EBLN1: variants seen among roughly 807,000 people sequenced by gnomAD.
The protein encoded by EBLN1 is endogenous Bornavirus like nucleoprotein 1.
Under a neutral mutation model 0.8 loss-of-function variants are expected in EBLN1, and 1 was observed. That is an observed-to-expected ratio of 1.32 (90% CI 0.47 to 6.26). The LOEUF is 6.26. EBLN1 is among the 30% of genes most tolerant of loss of function. EBLN1 has a pLI of 0.15. For missense variants in EBLN1, 396 were observed against 447.9 expected, an observed-to-expected ratio of 0.88 and a Z score of 1.05; for synonymous variants, 158 against 158.5, an observed-to-expected ratio of 1.00 and a Z score of 0.02.
chr10:22,208,729 C>G lies in EBLN1; in HGVS notation c.*154G>C, dbSNP rs76041789. On this transcript the variant is annotated 3_prime_UTR_variant, in exon 3 of 3. Coordinates refer to ENST00000422359, the MANE Select transcript of EBLN1 (RefSeq NM_001394757.1). ...GTGGCCAGAGAATATTGGATGGACT[C>G]TTTTAAAGAATAAAAGATTATAGAG... 3.3e-6 allele frequency: 3 copies of G among 901,378 alleles called. No individual in the cohort carries two copies. In the Admixed American group the frequency reaches 9.8e-5, roughly 30 times the overall value. The allele number at this position is 901,378 out of a possible 1,614,324, so 55.8% of individuals were successfully genotyped here. A position where few individuals can be genotyped will look rare whatever the true frequency, so the allele number is the denominator to read the frequency against.
chr10:22,208,733 T>C lies in EBLN1; in HGVS notation c.*150A>G. 2 of 906,006 alleles carry C rather than the reference T, an allele frequency of 2.2e-6. No homozygotes were observed. Among genetic ancestry groups the C allele is most frequent in the Non-Finnish European group, 3.1e-6 (2 of 643,968 alleles). The allele number at this position is 906,006 out of a possible 1,614,324, so 56.1% of individuals were successfully genotyped here. A position where few individuals can be genotyped will look rare whatever the true frequency, so the allele number is the denominator to read the frequency against. ...CCAGAGAATATTGGATGGACTCTTT[T>C]AAAGAATAAAAGATTATAGAGAAGT... is the stretch of plus-strand genomic sequence containing the variant. On this transcript the variant is annotated 3_prime_UTR_variant, in exon 3 of 3. Coordinates refer to ENST00000422359, the MANE Select transcript of EBLN1 (RefSeq NM_001394757.1).
Position 22,208,986 on chromosome 10 carries a change from G to C in EBLN1, c.998C>G (p.Pro333Arg), listed in dbSNP as rs1564322729. Reference protein sequence around the residue: ...DIIPGSTITFPVLQMASAQKI... With the variant: ...DIIPGSTITFRVLQMASAQKI... The stretch of plus-strand genomic sequence containing the variant: ...CTGAGCAGATGCCATTTGAAGTACA[G>C]GGAATGTAATAGTTGATCCTGGTAT... The change falls in exon 3 of 3, where the codon CCT becomes CGT. Residue 333 changes from proline to arginine, a missense_variant. Pro to Arg is a moderately radical substitution (Grantham distance 103). Transcript: ENST00000422359. 1 of 1,535,704 alleles carries C rather than the reference G, an allele frequency of 6.5e-7. No homozygotes were observed. Among genetic ancestry groups the C allele is most frequent in the South Asian group, 1.2e-5 (1 of 84,056 alleles).
intron 1 of EBLN1, among the ~76,000 whole-genome samples, chr10:22,217,416 T>A (rs1292791600): frequency 6.6e-6 from 1 of 152,220 alleles, no homozygotes; most frequent in Non-Finnish European, 1.5e-5. Context: ...TTCATACTGT[T>A]CTCATATTCA....
In EBLN1 at chr10:22,209,917, A is replaced by G; in HGVS notation, c.67T>C (p.Phe23Leu). 6.8e-7 allele frequency: 1 copy of G among 1,473,900 alleles called. No homozygotes were observed. 91.3% of individuals were successfully genotyped at this position (1,473,900 alleles called of 1,614,324 possible). A position where few individuals can be genotyped will look rare whatever the true frequency, so the allele number is the denominator to read the frequency against. ...PQDSTKDGSS[F>L]HYFQGRFELS... ...TCAAATCTCCCTTGAAAGTAATGGA[A>G]GCTGCTCCCATCCTTTGTACTGTCT... Residue 23 changes from phenylalanine to leucine, a missense_variant, in exon 3 of 3, where the codon TTC (phenylalanine) becomes CTC (leucine). By Grantham distance (22) the Phe-to-Leu change is conservative. Transcript: ENST00000422359.
intron 1 of EBLN1, among the ~76,000 whole-genome samples, chr10:22,214,996 C>T (rs1393202450): frequency 6.6e-6 from 1 of 152,156 alleles, no homozygotes; most frequent in East Asian, 1.9e-4. Context: ...AACATGGTTG[C>T]CTCTTGAAAA....
chr10:22,214,590 G>A (rs866036072), intron 1 of EBLN1, among the ~76,000 whole-genome samples: 12 of 152,218 alleles, frequency 7.9e-5, no homozygotes, highest in Middle Eastern at 3.4e-3. Context: ...AAAGGCAAGC[G>A]ATATATGGGG....
In EBLN1 at chr10:22,209,598, G is replaced by C; in HGVS notation, c.386C>G (p.Thr129Ser). Residue 129 changes from threonine to serine, a missense_variant, in exon 3 of 3, where the codon ACT becomes AGT. Thr to Ser is a moderately conservative substitution (Grantham distance 58, BLOSUM62 1). Coordinates refer to ENST00000422359, the MANE Select transcript of EBLN1 (RefSeq NM_001394757.1). ...CAGAATTGATGACATCTCAAGGGCA[G>C]TGAAGGTAGGCAAAACATCTTCAAA... ...SKFEDVLPTF[T>S]ALEMSSILRH... The C allele has an allele frequency of 2.0e-6, 3 of 1,537,212 alleles. No homozygotes were observed. The highest frequency in any genetic ancestry group is 2.6e-6 in the Non-Finnish European group (3 of 1,147,654).
intron 1 of EBLN1, among the ~76,000 whole-genome samples, chr10:22,217,310 G>A (rs1446257179): frequency 2.0e-5 from 3 of 152,124 alleles, no homozygotes; most frequent in Non-Finnish European, 4.4e-5. Flanking sequence ...ATTTTTAGTA[G>A]AGATAGGGTT....
Position 22,209,923 on chromosome 10 carries a change from T to G in EBLN1, c.61A>C (p.Ser21Arg). The G allele has an allele frequency of 6.8e-7, 1 of 1,469,318 alleles. No homozygotes were observed. The highest frequency in any genetic ancestry group is 1.4e-5 in the South Asian group (1 of 71,704). 91.0% of individuals were successfully genotyped at this position (1,469,318 alleles called of 1,614,324 possible). A position where few individuals can be genotyped will look rare whatever the true frequency, so the allele number is the denominator to read the frequency against. Reference sequence around the variant, plus strand: ...CTCCCTTGAAAGTAATGGAAGCTGCTCCCATCCTTTGTACTGTCTTGTGGG... The same window carrying G: ...CTCCCTTGAAAGTAATGGAAGCTGCGCCCATCCTTTGTACTGTCTTGTGGG... ...SSPQDSTKDG[S>R]SFHYFQGRFE... is the part of the protein sequence containing the mutation. Residue 21 changes from serine (S) to arginine (R), a missense_variant, in exon 3 of 3, where the codon AGC becomes CGC. Transcript: ENST00000422359.
chr10:22,209,264 C>T lies in EBLN1; in HGVS notation c.720G>A (p.Val240=). ...CCACACACTGATCCAGGAACATTCT[C>T]ACAGTGTAGTAGGTCATCATCTGTG... The part of the protein sequence containing the change: ...SKAQMMTYYT[V]RMFLDQCVDG... The change falls in exon 3 of 3, where the codon GTG becomes GTA. Residue 240 remains valine, a synonymous_variant. Transcript: ENST00000422359. 1.3e-6 allele frequency: 2 copies of T among 1,578,882 alleles called. No individual in the cohort carries two copies. The highest frequency in any genetic ancestry group is 1.1e-5 in the South Asian group (1 of 88,508).
Position 22,209,706 on chromosome 10 carries a change from A to AG in EBLN1, c.277dup (p.Leu93ProfsTer11). On this transcript the variant is annotated frameshift_variant, in exon 3 of 3. Transcript: ENST00000422359. LOFTEE classifies it low-confidence loss of function (END_TRUNC). ...CCTTTTGCTCACACCGACACTGAGT[A>AG]GTGCCTTGTGTAATCCATCGAATAT... The AG allele has an allele frequency of 6.5e-7, 1 of 1,535,916 alleles. No homozygotes were observed. Among genetic ancestry groups the AG allele is most frequent in the Non-Finnish European group, 8.7e-7 (1 of 1,146,918 alleles).
At chr10:22,210,062 T>C in intron 2 of EBLN1, 35 bp from the exon 3 acceptor site, 1 of 1,259,964 alleles carries the variant, frequency 7.9e-7, no homozygotes, top group South Asian at 3.4e-5. Flanking sequence ...TACAACAAAA[T>C]ATTTTTAAAT....
rs1053153164 is a variant in EBLN1, at chr10:22,209,119, CAG to C, written c.863_864del (p.Pro288ArgfsTer32). On this transcript the variant is annotated frameshift_variant, in exon 3 of 3. Transcript: ENST00000422359. LOFTEE classifies it high-confidence loss of function. ...FFEFGGVLRH[P>X]VIGVLSPQMF... is the part of the protein sequence containing the mutation. ...ATTTGTGGTGATAGCACCCCAATAA[CAG>C]GGTGGCGAAGTACACCCCCAAATTC... is the stretch of plus-strand genomic sequence containing the variant. 1 of 1,536,276 alleles carries C rather than the reference CAG, an allele frequency of 6.5e-7. No homozygotes were observed. Among genetic ancestry groups the C allele is most frequent in the Admixed American group, 2.0e-5 (1 of 51,002 alleles).
Position 22,209,012 on chromosome 10 carries a change from A to T in EBLN1, c.972T>A (p.Ile324=). 6.5e-7 allele frequency: 1 copy of T among 1,535,876 alleles called. No homozygotes were observed. The highest frequency in any genetic ancestry group is 1.2e-5 in the South Asian group (1 of 84,070). ...STFSGFEALD[I]IPGSTITFPV... is the part of the protein sequence containing the mutation. ...GGAATGTAATAGTTGATCCTGGTAT[A>T]ATGTCAAGGGCTTCAAATCCAGAAA... is the stretch of plus-strand genomic sequence containing the variant. Residue 324 remains isoleucine, a synonymous_variant, in exon 3 of 3, where the codon ATT becomes ATA. Coordinates refer to ENST00000422359, the MANE Select transcript of EBLN1 (RefSeq NM_001394757.1).
intron 1 of EBLN1, among the ~76,000 whole-genome samples, chr10:22,216,258 T>C (rs1024325000): frequency 3.3e-5 from 5 of 151,904 alleles, no homozygotes; most frequent in African/African-American, 1.2e-4. Context: ...TACAAACACA[T>C]TGCAAAACAA....
rs1294496825 is a variant in EBLN1, at chr10:22,209,266, C to G, written c.718G>C (p.Val240Leu). The stretch of plus-strand genomic sequence containing the variant: ...ACACACTGATCCAGGAACATTCTCA[C>G]AGTGTAGTAGGTCATCATCTGTGCT... ...SKAQMMTYYT[V>L]RMFLDQCVDG... is the part of the protein sequence containing the mutation. The change falls in exon 3 of 3, where the codon GTG (valine) becomes CTG (leucine). Residue 240 changes from valine to leucine, a missense_variant. Coordinates refer to ENST00000422359, the MANE Select transcript of EBLN1 (RefSeq NM_001394757.1). 6.3e-7 allele frequency: 1 copy of G among 1,580,778 alleles called. No individual in the cohort carries two copies. The highest frequency in any genetic ancestry group is 1.8e-5 in the Admixed American group (1 of 56,416).
At chr10:22,211,648 T>C (rs1396381851) in intron 2 of EBLN1, among the ~76,000 whole-genome samples, 1 of 152,038 alleles carries the variant, frequency 6.6e-6, no homozygotes, top group African/African-American at 2.4e-5. Flanking sequence ...CTTGCCAGTA[T>C]GCCATCTAAT....
At position 22,209,009 on chromosome 10, in the gene EBLN1, T is replaced by C. The variant is rs1449478958; in HGVS notation, c.975A>G (p.Ile325Met). 2 of 1,535,732 alleles carry C rather than the reference T, an allele frequency of 1.3e-6. No individual in the cohort carries two copies. Among genetic ancestry groups the C allele is most frequent in the East Asian group, 4.9e-5 (2 of 40,932 alleles). ...TFSGFEALDI[I>M]PGSTITFPVL... is the part of the protein sequence containing the mutation. ...CAGGGAATGTAATAGTTGATCCTGG[T>C]ATAATGTCAAGGGCTTCAAATCCAG... The change falls in exon 3 of 3, where the codon ATA (isoleucine) becomes ATG (methionine). Residue 325 changes from isoleucine (I) to methionine (M), a missense_variant. Physicochemically the swap from Ile to Met is conservative, Grantham distance 10. Coordinates refer to ENST00000422359, the MANE Select transcript of EBLN1 (RefSeq NM_001394757.1).
At chr10:22,210,080 A>G in intron 2 of EBLN1, 53 bp from the exon 3 acceptor site, 1 of 1,240,634 alleles carries the variant, frequency 8.1e-7, no homozygotes, top group South Asian at 3.5e-5. Context: ...AATTACATTT[A>G]TTAATAAAAT....
Sources: gnomAD v4.1 joint callset for allele counts (sites outside exome capture counted in the v4.1 genomes callset) on GRCh38, gnomAD v4.1.1 for gene constraint, MANE v1.5 for transcripts, NCBI Gene and HGNC (gene_info 2026-07-23, HGNC 2026-07-21) for gene names.